The following PPARGC1B variants were observed in gnomAD, a reference collection of about 807,000 sequenced individuals.
PPARGC1B encodes PPARG coactivator 1 beta, also known as peroxisome proliferator-activated receptor gamma coactivator 1-beta.
Under a neutral mutation model 101.6 loss-of-function variants are expected in PPARGC1B, and 34 were observed. That is an observed-to-expected ratio of 0.33 (90% CI 0.25 to 0.45). PPARGC1B has a LOEUF of 0.45. Ranked by LOEUF, PPARGC1B falls within the 20% of genes least tolerant of loss-of-function variation. The probability of loss-of-function intolerance (pLI) is 1.00; values close to 1 mark genes in which losing one functional copy is unlikely to be tolerated. For missense variants in PPARGC1B, 1,234 were observed against 1,317.6 expected, an observed-to-expected ratio of 0.94 and a Z score of 0.98; for synonymous variants, 548 against 539.3, an observed-to-expected ratio of 1.02 and a Z score of -0.22.
At chr5:149,847,107 T>G in intron 11 of PPARGC1B, 3 of 379,296 alleles carry the variant, frequency 7.9e-6, no homozygotes, top group African/African-American at 2.1e-5. Flanking sequence ...ATTCTAGTGT[T>G]GTTAGCCCTC....
At chr5:149,839,439 G>A (rs887224315) in intron 8 of PPARGC1B, among the ~76,000 whole-genome samples, 18 of 152,334 alleles carry the variant, frequency 1.2e-4, no homozygotes, top group African/African-American at 4.1e-4. Flanking sequence ...GAAGGCTGCA[G>A]GTGGGTGGCA....
chr5:149,823,775 G>A (rs141641900), intron 2 of PPARGC1B, among the ~76,000 whole-genome samples: 1 of 152,262 alleles, frequency 6.6e-6, no homozygotes, highest in East Asian at 1.9e-4. Flanking sequence ...GGAGTAGGGT[G>A]GGGAGAGGTC....
intron 1 of PPARGC1B, chr5:149,772,279 G>A: frequency 6.6e-7 from 1 of 1,506,508 alleles, no homozygotes; most frequent in Non-Finnish European, 8.9e-7. Context: ...TGGTGGGTTA[G>A]GGTACGGTAG....
chr5:149,798,186 G>A (rs1051913231), intron 1 of PPARGC1B, among the ~76,000 whole-genome samples: 5 of 152,178 alleles, frequency 3.3e-5, no homozygotes, highest in African/African-American at 1.2e-4. Context: ...TCCAAAGTCA[G>A]CGTTCAGAAC....
intron 1 of PPARGC1B, among the ~76,000 whole-genome samples, chr5:149,766,976 T>C (rs754139733): frequency 6.6e-6 from 1 of 152,142 alleles, no homozygotes; most frequent in African/African-American, 2.4e-5. Flanking sequence ...CCTTTCCAAG[T>C]TGGTTCAGCT....
intron 1 of PPARGC1B, among the ~76,000 whole-genome samples, chr5:149,802,279 G>A (rs915858880): frequency 9.9e-5 from 15 of 152,176 alleles, no homozygotes; most frequent in African/African-American, 3.4e-4. Flanking sequence ...TCGCTCCTCC[G>A]TCCCTCCTGG....
chr5:149,812,172 T>C (rs1757889350), intron 1 of PPARGC1B, among the ~76,000 whole-genome samples: 1 of 152,200 alleles, frequency 6.6e-6, no homozygotes, highest in Non-Finnish European at 1.5e-5. Flanking sequence ...TTGCCTTAAA[T>C]GTTTTGGTGG....
At chr5:149,754,990 C>CATATAT (rs1402606715) in intron 1 of PPARGC1B, among the ~76,000 whole-genome samples, 1 of 147,666 alleles carries the variant, frequency 6.8e-6, no homozygotes, top group East Asian at 1.9e-4. Context: ...TATATATATA[C>CATATAT]ACACATATAC....
In PPARGC1B at chr5:149,832,759, A is replaced by C. The variant is rs1344772201; in HGVS notation, c.686A>C (p.Asp229Ala). 2 of 1,612,730 alleles carry C rather than the reference A, an allele frequency of 1.2e-6. No homozygotes were observed. Among genetic ancestry groups the C allele is most frequent in the Non-Finnish European group, 1.7e-6 (2 of 1,179,302 alleles). The change falls in exon 5 of 12, where the codon GAT becomes GCT. Residue 229 changes from aspartate to alanine, a missense_variant. Coordinates refer to ENST00000309241, the MANE Select transcript of PPARGC1B (RefSeq NM_133263.4). This position sits in a 1 kb window ranked among gnomAD's most constrained non-coding sequence, Gnocchi z 4.9. Reference protein sequence around the residue: ...HLTSAQCCLQDRGLQPPCLQS... With the variant: ...HLTSAQCCLQARGLQPPCLQS... ...ACCTCGGCACAGTGCTGCCTGCAGG[A>C]TCGGGGTCTGCAGCCACCATGCCTC...
In PPARGC1B at chr5:149,800,970, C is replaced by T. The variant is rs78817906; in HGVS notation, c.79-19463C>T. Among the ~76,000 whole-genome samples, 952 of 152,280 alleles carry T rather than the reference C, an allele frequency of 6.3e-3. 27 individuals are homozygous for T. The highest frequency in any genetic ancestry group is 0.061 in the East Asian group (317 of 5,176). ...CTTTCAAGAAAATCAGATCTAGAAA[C>T]GTTTGGATCTCTGGTGCCAGGCCTA... On this transcript the variant is annotated intron_variant, in intron 1 of 11. Transcript: ENST00000309241.
At position 149,850,101 on chromosome 5, in the gene PPARGC1B, T is replaced by C. The variant is rs1759713656; in HGVS notation, c.*2543T>C. On this transcript the variant is annotated 3_prime_UTR_variant, in exon 12 of 12. Transcript: ENST00000309241. ...GGGGAGTCCAGATTCTACCAAGAAT[T>C]TCCTTTGTAACTTTGGTAAGTCCCT... is the stretch of plus-strand genomic sequence containing the variant. 1 of 152,182 alleles carries C rather than the reference T, an allele frequency of 6.6e-6. No individual in the cohort carries two copies. The highest frequency in any genetic ancestry group is 1.5e-5 in the Non-Finnish European group (1 of 68,030). 9.4% of individuals were successfully genotyped at this position (152,182 alleles called of 1,614,324 possible). A position where few individuals can be genotyped will look rare whatever the true frequency, so the allele number is the denominator to read the frequency against.
At chr5:149,825,325 A>G (rs1363665442) in intron 2 of PPARGC1B, among the ~76,000 whole-genome samples, 3 of 152,244 alleles carry the variant, frequency 2.0e-5, no homozygotes, top group African/African-American at 7.2e-5. Context: ...TGTGTCCTCA[A>G]CTGCAAAATG....
At chr5:149,822,315 GT>G (rs1209176339) in intron 2 of PPARGC1B, among the ~76,000 whole-genome samples, 1 of 152,190 alleles carries the variant, frequency 6.6e-6, no homozygotes, top group Non-Finnish European at 1.5e-5. Context: ...TCAGGCACAA[GT>G]AAGCTTGGTG....
intron 3 of PPARGC1B, 98 bp downstream of exon 3, chr5:149,826,983 G>A: frequency 3.2e-6 from 3 of 923,650 alleles, no homozygotes; most frequent in Non-Finnish European, 5.1e-6. Context: ...AGCCCCGCAG[G>A]GGACTCCGTG....
intron 1 of PPARGC1B, among the ~76,000 whole-genome samples, chr5:149,785,399 C>T (rs1212496737): frequency 6.6e-6 from 1 of 152,180 alleles, no homozygotes; most frequent in Non-Finnish European, 1.5e-5. Flanking sequence ...AGGGATGCTT[C>T]TTGCAGAACT....
At position 149,802,796 on chromosome 5, in the gene PPARGC1B, C is replaced by T. The variant is rs181274877; in HGVS notation, c.79-17637C>T. Among the ~76,000 whole-genome samples the T allele has an allele frequency of 1.2e-4, 18 of 152,188 alleles. No homozygotes were observed. The East Asian group carries it at 3.3e-3, about 28-fold the overall frequency. Reference sequence around the variant, plus strand: ...CAAACTTAAATGTGCCTATGAATCACCTGAGTATTTTGTTAAAATGCAGAT... The same window carrying T: ...CAAACTTAAATGTGCCTATGAATCATCTGAGTATTTTGTTAAAATGCAGAT... On this transcript the variant is annotated intron_variant, in intron 1 of 11. Transcript: ENST00000309241.
chr5:149,735,917 AG>A (rs1436684402), intron 1 of PPARGC1B, among the ~76,000 whole-genome samples: 2 of 152,208 alleles, frequency 1.3e-5, no homozygotes, highest in Non-Finnish European at 2.9e-5. Flanking sequence ...CGAGGCCAGG[AG>A]TTCGAGATCA....
At chr5:149,772,105 C>T in intron 1 of PPARGC1B, 1 of 1,589,218 alleles carries the variant, frequency 6.3e-7, no homozygotes, top group South Asian at 1.2e-5. Context: ...TGGGGCTGCC[C>T]CAGGACCCTT....
At chr5:149,802,620 C>T (rs150114107) in intron 1 of PPARGC1B, among the ~76,000 whole-genome samples, 77 of 151,066 alleles carry the variant, frequency 5.1e-4, no homozygotes, top group African/African-American at 1.8e-3. Flanking sequence ...AGGCTTTTGG[C>T]ATACGTGATC....
Sources: allele counts gnomAD v4.1 joint callset (sites outside exome capture counted in the v4.1 genomes callset), GRCh38; gene constraint gnomAD v4.1.1; non-coding constraint Gnocchi (gnomAD v3.1); transcripts MANE v1.5; gene names NCBI Gene and HGNC (gene_info 2026-07-23, HGNC 2026-07-21).